CA8: variants seen among roughly 807,000 people sequenced by gnomAD.
CA8 encodes the protein carbonic anhydrase-related protein.
A neutral mutation model predicts 41.4 loss-of-function variants in CA8; 22 were observed. The observed-to-expected ratio is 0.53, with a 90% CI of 0.38 to 0.76. CA8 has a LOEUF of 0.76. Ranked by LOEUF, CA8 falls within the 30% of genes least tolerant of loss-of-function variation. CA8 has a pLI of 0.00. For synonymous variants in CA8, 121 were observed against 130.6 expected (o/e 0.93, Z 0.50); for missense variants, 270 against 352.8 (o/e 0.77, Z 1.88).
chr8:60,254,574 T>C (rs747635682), intron 3 of CA8, among the ~76,000 whole-genome samples: 8 of 152,268 alleles, frequency 5.3e-5, no homozygotes, highest in Non-Finnish European at 7.3e-5. Context: ...GGATAAGTGA[T>C]ATTTGTTTTT....
At chr8:60,233,282 A>T (rs1480684305) in intron 3 of CA8, among the ~76,000 whole-genome samples, 1 of 152,234 alleles carries the variant, frequency 6.6e-6, no homozygotes, top group African/African-American at 2.4e-5. Flanking sequence ...ACATAGCTAA[A>T]ATTCAACCAC....
intron 2 of CA8, among the ~76,000 whole-genome samples, chr8:60,279,353 G>A (rs1437732183): frequency 6.6e-6 from 1 of 152,160 alleles, no homozygotes; most frequent in Non-Finnish European, 1.5e-5. Flanking sequence ...AGTGATTTAA[G>A]CTAATCAACA....
At chr8:60,234,661 CA>C (rs1807769089) in intron 3 of CA8, among the ~76,000 whole-genome samples, 1 of 152,162 alleles carries the variant, frequency 6.6e-6, no homozygotes, top group East Asian at 1.9e-4. Context: ...ACATGTCCAG[CA>C]AAATAACACG....
intron 2 of CA8, among the ~76,000 whole-genome samples, chr8:60,272,910 T>C (rs1804115835): frequency 1.3e-5 from 2 of 152,250 alleles, no homozygotes; most frequent in African/African-American, 4.8e-5. Context: ...CAGTTTCTCC[T>C]GACACATTAA....
intron 3 of CA8, among the ~76,000 whole-genome samples, chr8:60,244,303 A>G (rs1377223768): frequency 3.3e-5 from 5 of 152,204 alleles, no homozygotes; most frequent in Non-Finnish European, 7.3e-5. Flanking sequence ...CCATGCCTCC[A>G]AAGCTGGCTT....
intron 4 of CA8, among the ~76,000 whole-genome samples, chr8:60,231,224 A>G (rs1253913549): frequency 6.6e-6 from 1 of 152,202 alleles, no homozygotes; most frequent in Non-Finnish European, 1.5e-5. Flanking sequence ...CACAAGGAAT[A>G]TAGGTCCCCA....
intron 8 of CA8, among the ~76,000 whole-genome samples, chr8:60,198,190 T>A (rs1806331666): frequency 6.6e-6 from 1 of 152,170 alleles, no homozygotes. Flanking sequence ...CTTTACTGGC[T>A]GTGACCTTTA....
intron 3 of CA8, among the ~76,000 whole-genome samples, chr8:60,261,523 C>G (rs1184650658): frequency 6.6e-6 from 1 of 152,098 alleles, no homozygotes; most frequent in African/African-American, 2.4e-5. Flanking sequence ...CTATCCCTGA[C>G]AAAATTATCA....
intron 3 of CA8, among the ~76,000 whole-genome samples, chr8:60,253,058 C>T (rs928135975): frequency 5.9e-5 from 9 of 151,586 alleles, no homozygotes; most frequent in Middle Eastern, 3.4e-3. Flanking sequence ...GGAAAAACCC[C>T]GTCTCTACAC....
intron 3 of CA8, among the ~76,000 whole-genome samples, chr8:60,237,500 C>T (rs1434544609): frequency 5.9e-5 from 9 of 152,192 alleles, no homozygotes; most frequent in East Asian, 1.9e-4. Context: ...TAGAAGTAGA[C>T]GGGTCACTGC....
At chr8:60,206,422 TG>T (rs1423428427) in intron 8 of CA8, among the ~76,000 whole-genome samples, 1 of 152,168 alleles carries the variant, frequency 6.6e-6, no homozygotes, top group Non-Finnish European at 1.5e-5. Context: ...ATGGCAACTC[TG>T]GTCTAGGACA....
chr8:60,246,112 T>C (rs1808226437), intron 3 of CA8, among the ~76,000 whole-genome samples: 1 of 152,174 alleles, frequency 6.6e-6, no homozygotes, highest in Non-Finnish European at 1.5e-5. Flanking sequence ...CCAGCACTGC[T>C]CATTCCCCTG....
intron 7 of CA8, among the ~76,000 whole-genome samples, chr8:60,214,272 G>C (rs1262011993): frequency 1.3e-5 from 2 of 152,218 alleles, no homozygotes; most frequent in Non-Finnish European, 2.9e-5. Context: ...AGAAGGACAA[G>C]CAAGCCAACA....
rs1310127509 is a variant in CA8 at position 60,266,067 on chromosome 8, T to C, written c.293-18A>G. On this transcript the variant is annotated intron_variant, in intron 2 of 8. Coordinates refer to ENST00000317995, the MANE Select transcript of CA8 (RefSeq NM_004056.6). ...CGAAAGAACTGAAAAAGAAAATATA[T>C]GTTACCGAATTACAGCACACATTTA... 6.2e-7 allele frequency: 1 copy of C among 1,612,178 alleles called. No homozygotes were observed. Among genetic ancestry groups the C allele is most frequent in the South Asian group, 1.1e-5 (1 of 90,882 alleles).
chr8:60,227,056 C>A, intron 4 of CA8, 121 bp from the exon 5 acceptor site: 2 of 741,620 alleles, frequency 2.7e-6, no homozygotes, highest in South Asian at 2.9e-5. Flanking sequence ...CTTTGGGAGG[C>A]CGAGTTGGGT....
chr8:60,271,950 C>T (rs1311807292), intron 2 of CA8, among the ~76,000 whole-genome samples: 1 of 152,172 alleles, frequency 6.6e-6, no homozygotes, highest in African/African-American at 2.4e-5. Flanking sequence ...CTAAATGATA[C>T]ATGTGGCAGC....
intron 4 of CA8, among the ~76,000 whole-genome samples, chr8:60,229,123 C>T (rs773320288): frequency 6.6e-6 from 1 of 151,802 alleles, no homozygotes; most frequent in African/African-American, 2.4e-5. Context: ...CACTTTGGTC[C>T]GTTCTCCTTT....
chr8:60,258,288 C>T (rs1803616224), intron 3 of CA8, among the ~76,000 whole-genome samples: 1 of 152,166 alleles, frequency 6.6e-6, no homozygotes, highest in Admixed American at 6.5e-5. Context: ...AGTATTGGTT[C>T]TCGTTAATCT....
chr8:60,222,971 G>A (rs888949270), intron 6 of CA8, among the ~76,000 whole-genome samples: 1 of 152,154 alleles, frequency 6.6e-6, no homozygotes, highest in Non-Finnish European at 1.5e-5. Flanking sequence ...TATTTACAGT[G>A]ATTTCTATCA....
Sources: gnomAD v4.1 joint callset for allele counts (sites outside exome capture counted in the v4.1 genomes callset) on GRCh38, gnomAD v4.1.1 for gene constraint, MANE v1.5 for transcripts, NCBI Gene and HGNC (gene_info 2026-07-23, HGNC 2026-07-21) for gene names.